DLGAP2: variants seen among roughly 807,000 people sequenced by gnomAD.
DLGAP2 encodes DLG associated protein 2.
Under a neutral mutation model 100.3 loss-of-function variants are expected in DLGAP2, and 26 were observed. The ratio of observed to expected loss-of-function variants is 0.26; its 90% CI spans 0.19 to 0.36. The LOEUF is 0.36. DLGAP2 is among the 10% of genes least tolerant of loss of function. The pLI is 1.00. For missense variants in DLGAP2, 1,858 were observed against 1,453.2 expected (o/e 1.28, Z -4.53); for synonymous variants, 886 against 630.1 (o/e 1.41, Z -6.08).
chr8:1,050,859 A>T (rs1193093606), intron 2 of DLGAP2, among the ~76,000 whole-genome samples: 1 of 151,840 alleles, frequency 6.6e-6, no homozygotes, highest in Non-Finnish European at 1.5e-5. Flanking sequence ...ATAGATTTCC[A>T]TGCGGCAGTG....
At chr8:1,349,582 G>T (rs1801657246) in intron 3 of DLGAP2, among the ~76,000 whole-genome samples, 1 of 138,506 alleles carries the variant, frequency 7.2e-6, no homozygotes, top group Admixed American at 7.4e-5. Flanking sequence ...GTGTTTGAGG[G>T]AGACTATCAT....
intron 2 of DLGAP2, among the ~76,000 whole-genome samples, chr8:1,121,919 C>T (rs975871725): frequency 6.6e-6 from 1 of 152,214 alleles, no homozygotes; most frequent in African/African-American, 2.4e-5. Context: ...GCCATTTGCT[C>T]AGAATTTCAT....
chr8:1,121,124 C>G (rs1796034952), intron 2 of DLGAP2, among the ~76,000 whole-genome samples: 1 of 151,946 alleles, frequency 6.6e-6, no homozygotes, highest in South Asian at 2.1e-4. Flanking sequence ...CATGACCTCC[C>G]ATCCTCGTCC....
chr8:1,530,473 G>A (rs1255977478), intron 4 of DLGAP2, among the ~76,000 whole-genome samples: 1 of 152,028 alleles, frequency 6.6e-6, no homozygotes, highest in Non-Finnish European at 1.5e-5. Flanking sequence ...AAACACACAT[G>A]CTGTACAATT....
intron 2 of DLGAP2, among the ~76,000 whole-genome samples, chr8:1,223,214 A>G (rs1433848525): frequency 6.6e-6 from 1 of 152,156 alleles, no homozygotes; most frequent in Non-Finnish European, 1.5e-5. Context: ...AACCCTGTCC[A>G]GGGTTCCCAC....
intron 4 of DLGAP2, among the ~76,000 whole-genome samples, chr8:1,509,315 G>C (rs1180567700): frequency 6.9e-5 from 9 of 129,794 alleles, no homozygotes; most frequent in Non-Finnish European, 1.3e-4. Context: ...TGGCAACAGA[G>C]CAAGACTCCG....
At chr8:1,113,680 G>A (rs550176145) in intron 2 of DLGAP2, among the ~76,000 whole-genome samples, 1 of 151,998 alleles carries the variant, frequency 6.6e-6, no homozygotes, top group Non-Finnish European at 1.5e-5. Context: ...CTGCTTGGAT[G>A]CCCTTTATTT....
chr8:756,080 T>C (rs947448374), intron 1 of DLGAP2, among the ~76,000 whole-genome samples: 16 of 152,276 alleles, frequency 1.1e-4, no homozygotes, highest in African/African-American at 3.6e-4. Context: ...TTTTAGGTCA[T>C]GTTAGCGGCT....
intron 2 of DLGAP2, among the ~76,000 whole-genome samples, chr8:1,165,014 G>C (rs1366973757): frequency 1.3e-5 from 2 of 152,092 alleles, no homozygotes; most frequent in Admixed American, 1.3e-4. Context: ...TGAGTTCAGG[G>C]ATGGGGTTGG....
chr8:1,614,492 G>T (rs935717481), intron 6 of DLGAP2, among the ~76,000 whole-genome samples: 3 of 152,216 alleles, frequency 2.0e-5, no homozygotes, highest in Non-Finnish European at 4.4e-5. Context: ...TGACGGCTTG[G>T]ACCCCGCTTT....
chr8:1,575,583 A>AG (rs1331371180), intron 6 of DLGAP2, among the ~76,000 whole-genome samples: 1 of 149,342 alleles, frequency 6.7e-6, no homozygotes, highest in Non-Finnish European at 1.5e-5. Context: ...CTCGTCATTT[A>AG]CATTAGATAT....
chr8:1,692,877 T>C (rs1050689631), intron 13 of DLGAP2, among the ~76,000 whole-genome samples: 2 of 149,410 alleles, frequency 1.3e-5, no homozygotes, highest in Non-Finnish European at 3.0e-5. Flanking sequence ...TGTTAATATA[T>C]ACTTACATAT....
intron 1 of DLGAP2, among the ~76,000 whole-genome samples, chr8:846,765 C>T (rs1227755949): frequency 1.3e-5 from 2 of 152,154 alleles, no homozygotes; most frequent in African/African-American, 2.4e-5. Context: ...CACATCCTTC[C>T]TGACATGTTT....
At chr8:760,490 C>T (rs1025224113) in intron 1 of DLGAP2, among the ~76,000 whole-genome samples, 1 of 152,124 alleles carries the variant, frequency 6.6e-6, no homozygotes, top group Non-Finnish European at 1.5e-5. Flanking sequence ...AAAACTCTAC[C>T]CTCATATATT....
intron 4 of DLGAP2, among the ~76,000 whole-genome samples, chr8:1,541,382 C>A (rs1349800493): frequency 2.0e-5 from 3 of 152,092 alleles, no homozygotes; most frequent in Non-Finnish European, 2.9e-5. Flanking sequence ...TAAGACAAGG[C>A]AGAGCATAAA....
At chr8:873,245 AT>A (rs1403978389) in intron 1 of DLGAP2, among the ~76,000 whole-genome samples, 1 of 152,198 alleles carries the variant, frequency 6.6e-6, no homozygotes, top group Non-Finnish European at 1.5e-5. Context: ...AATGTTTTAG[AT>A]TTTTTTGTAT....
chr8:1,444,149 G>A (rs986993797), intron 3 of DLGAP2, among the ~76,000 whole-genome samples: 1 of 152,056 alleles, frequency 6.6e-6, no homozygotes, highest in Non-Finnish European at 1.5e-5. Flanking sequence ...GCAGTGGCGC[G>A]ATCATAGCTC....
intron 2 of DLGAP2, among the ~76,000 whole-genome samples, chr8:944,245 G>A (rs1466579508): frequency 6.6e-6 from 1 of 152,132 alleles, no homozygotes; most frequent in African/African-American, 2.4e-5. Context: ...GATCCAGTGG[G>A]TGGTAATTGA....
rs571441302 is a variant in DLGAP2, at chr8:1,378,413, G to A, written c.106+119530G>A. ...TTGCCACACACACCTGACTTCGCCT[G>A]TCCGTCCTGCACACACCTGACCTCA... is the stretch of plus-strand genomic sequence containing the variant. On this transcript the variant is annotated intron_variant, in intron 3 of 14. Coordinates refer to ENST00000637795, the MANE Select transcript of DLGAP2 (RefSeq NM_001346810.2). Among the ~76,000 whole-genome samples the A allele has an allele frequency of 6.6e-5, 10 of 151,440 alleles. No individual in the cohort carries two copies. The South Asian group carries it at 2.1e-3, about 32-fold the overall frequency.
Sources: allele counts gnomAD v4.1 joint callset (sites outside exome capture counted in the v4.1 genomes callset), GRCh38; gene constraint gnomAD v4.1.1; transcripts MANE v1.5; gene names NCBI Gene and HGNC (gene_info 2026-07-23, HGNC 2026-07-21).